The following ALK variants were observed in gnomAD, a reference collection of about 807,000 sequenced individuals.
ALK encodes ALK receptor tyrosine kinase, also known as ALK tyrosine kinase receptor.
A neutral mutation model predicts 163.1 loss-of-function variants in ALK; 74 were observed. That is an observed-to-expected ratio of 0.45 (90% confidence interval 0.38 to 0.55). ALK has a LOEUF of 0.55. Ranked by LOEUF, ALK falls within the 20% of genes least tolerant of loss-of-function variation. The pLI, the probability that ALK is intolerant of heterozygous loss-of-function variation, is 0.00. For missense variants in ALK, 2,063 were observed against 2,105.3 expected, an observed-to-expected ratio of 0.98 and a Z score of 0.39; for synonymous variants, 960 against 843.2, an observed-to-expected ratio of 1.14 and a Z score of -2.40.
At chr2:29,529,407 C>T (rs1383566078) in intron 4 of ALK, among the ~76,000 whole-genome samples, 2 of 152,224 alleles carry the variant, frequency 1.3e-5, no homozygotes, top group African/African-American at 2.4e-5. Context: ...GTGTCCCCCT[C>T]GCTGCTCTGA....
intron 3 of ALK, among the ~76,000 whole-genome samples, chr2:29,652,673 G>A (rs535192889): frequency 1.3e-5 from 2 of 152,230 alleles, no homozygotes; most frequent in East Asian, 3.9e-4. Context: ...TGAAGGTTAA[G>A]TTGATCACCA....
At chr2:29,404,879 G>A (rs762883461) in intron 4 of ALK, among the ~76,000 whole-genome samples, 1 of 152,160 alleles carries the variant, frequency 6.6e-6, no homozygotes, top group Non-Finnish European at 1.5e-5. Flanking sequence ...AGGAAAAGCA[G>A]CACTCAAGTC....
At chr2:29,212,756 G>C (rs1313029115) in intron 24 of ALK, among the ~76,000 whole-genome samples, 1 of 144,800 alleles carries the variant, frequency 6.9e-6, no homozygotes, top group African/African-American at 2.5e-5. Flanking sequence ...GCCCAGGCTG[G>C]AGTGCAATGG....
intron 8 of ALK, among the ~76,000 whole-genome samples, chr2:29,315,750 G>T (rs2148245884): frequency 6.6e-6 from 1 of 152,326 alleles, no homozygotes; most frequent in Admixed American, 6.5e-5. Context: ...TCTTGAAGAT[G>T]ACACCAGTTC....
chr2:29,858,562 G>A (rs1398334182), intron 1 of ALK, among the ~76,000 whole-genome samples: 24 of 149,932 alleles, frequency 1.6e-4, no homozygotes, highest in South Asian at 4.2e-4. Flanking sequence ...GCGAAACTCC[G>A]TCTCTACTAA....
chr2:29,414,214 G>T lies in ALK; in HGVS notation c.1155-30355C>A, dbSNP rs541862494. On this transcript the variant is annotated intron_variant, in intron 4 of 28. Transcript: ENST00000389048. ...TGTTGACCAAAATTTTATGTGGCAC[G>T]TGACTATATTGAAAGAACCCCTTAC... Among the ~76,000 whole-genome samples, 11 of 152,332 alleles carry T rather than the reference G, an allele frequency of 7.2e-5. No individual in the cohort carries two copies. In the East Asian group the frequency reaches 1.7e-3, roughly 24 times the overall value.
chr2:29,558,549 C>G (rs1256322546), intron 3 of ALK, among the ~76,000 whole-genome samples: 1 of 152,064 alleles, frequency 6.6e-6, no homozygotes, highest in African/African-American at 2.4e-5. Context: ...CACACCCCTC[C>G]CTACCCTCTC....
At chr2:29,226,497 AAAAAAGAG>A (rs1663998826) in intron 18 of ALK, among the ~76,000 whole-genome samples, 3 of 150,986 alleles carry the variant, frequency 2.0e-5, no homozygotes, top group Admixed American at 6.6e-5. Context: ...AAAAAAAAAA[AAAAAAGAG>A]GAGGAGAATG....
chr2:29,756,529 A>ATT (rs35599126), intron 1 of ALK, among the ~76,000 whole-genome samples: 8,879 of 138,738 alleles, frequency 0.064, 395 homozygotes, highest in African/African-American at 0.07. Context: ...TTACTCATTG[A>ATT]TTTTTTTTTT....
intron 23 of ALK, among the ~76,000 whole-genome samples, chr2:29,218,453 G>A (rs988286069): frequency 6.6e-6 from 1 of 151,614 alleles, no homozygotes; most frequent in Non-Finnish European, 1.5e-5. Flanking sequence ...GGTAGTGAGA[G>A]AGAGAGAATG....
intron 1 of ALK, among the ~76,000 whole-genome samples, chr2:29,905,557 A>AGGAAAG (rs1667522303): frequency 6.6e-6 from 1 of 150,728 alleles, no homozygotes; most frequent in Non-Finnish European, 1.5e-5. Context: ...GAAAGGGAAA[A>AGGAAAG]GGAAAGGGAA....
intron 3 of ALK, among the ~76,000 whole-genome samples, chr2:29,540,352 G>A (rs1573441280): frequency 6.6e-6 from 1 of 151,992 alleles, no homozygotes; most frequent in Non-Finnish European, 1.5e-5. Context: ...GCACATCCTT[G>A]GCTTGGCTTT....
intron 4 of ALK, among the ~76,000 whole-genome samples, chr2:29,476,045 C>T (rs1296113470): frequency 6.6e-6 from 1 of 152,218 alleles, no homozygotes; most frequent in Non-Finnish European, 1.5e-5. Flanking sequence ...CCTGCTCCTC[C>T]AGCGCTGCCT....
chr2:29,466,616 G>C lies in ALK; in HGVS notation c.1154+65299C>G, dbSNP rs76239499. Among the ~76,000 whole-genome samples the C allele has an allele frequency of 8.1e-3, 1,237 of 152,304 alleles. 13 individuals are homozygous for C. Among genetic ancestry groups the C allele is most frequent in the African/African-American group, 0.027 (1,114 of 41,560 alleles). On this transcript the variant is annotated intron_variant, in intron 4 of 28. Coordinates refer to ENST00000389048, the MANE Select transcript of ALK (RefSeq NM_004304.5). The stretch of plus-strand genomic sequence containing the variant: ...CATGGAACCATTGTGATGAATTAAA[G>C]GGCTTGGCCTTGAGGGTTTGAGACT...
At chr2:29,346,696 C>T (rs13000043) in intron 5 of ALK, among the ~76,000 whole-genome samples, 26,737 of 152,198 alleles carry the variant, frequency 0.18, 2,848 homozygotes, top group Middle Eastern at 0.28. Flanking sequence ...ATTGTGATCC[C>T]GGCATGACAC....
intron 8 of ALK, among the ~76,000 whole-genome samples, chr2:29,310,809 G>T (rs1209318687): frequency 1.3e-5 from 2 of 152,190 alleles, no homozygotes; most frequent in African/African-American, 4.8e-5. Context: ...CATCAGAACA[G>T]GGAAGATTTT....
chr2:29,259,582 T>A (rs1665032754), intron 11 of ALK, among the ~76,000 whole-genome samples: 2 of 152,306 alleles, frequency 1.3e-5, no homozygotes, highest in African/African-American at 4.8e-5. Context: ...ATTTTCTTGT[T>A]ATATAAAGTG....
chr2:29,662,196 G>A lies in ALK; in HGVS notation c.952+32654C>T, dbSNP rs111948640. Reference sequence around the variant, plus strand: ...CAAAGTGCTAAGATTACAGGCATGAGCCACCACGCCCGGCCTATCAATATC... The same window carrying A: ...CAAAGTGCTAAGATTACAGGCATGAACCACCACGCCCGGCCTATCAATATC... On this transcript the variant is annotated intron_variant, in intron 3 of 28. Transcript: ENST00000389048. 6.2e-3 allele frequency among the ~76,000 whole-genome samples: 943 copies of A among 152,200 alleles called. 13 individuals carry two copies. The highest frequency in any genetic ancestry group is 0.021 in the African/African-American group (871 of 41,526).
At chr2:29,801,287 C>T (rs947904785) in intron 1 of ALK, among the ~76,000 whole-genome samples, 1 of 152,116 alleles carries the variant, frequency 6.6e-6, no homozygotes. Flanking sequence ...CTCTTCATTG[C>T]ACCTAATTTG....
Sources: allele counts gnomAD v4.1 joint callset (sites outside exome capture counted in the v4.1 genomes callset), GRCh38; gene constraint gnomAD v4.1.1; transcripts MANE v1.5; gene names NCBI Gene and HGNC (gene_info 2026-07-23, HGNC 2026-07-21).